Variants in ENTPD3 observed in about 807,000 individuals in gnomAD.
ENTPD3 encodes the protein ectonucleoside triphosphate diphosphohydrolase 3.
Under a neutral mutation model 51.2 loss-of-function variants are expected in ENTPD3, and 60 were observed. The observed-to-expected ratio is 1.17, with a 90% CI of 0.95 to 1.45. The LOEUF is 1.45. Among genes scored for constraint, ENTPD3 ranks in the 40% most tolerant of loss-of-function variants. The probability of loss-of-function intolerance (pLI) is 0.00; values close to 1 mark genes in which losing one functional copy is unlikely to be tolerated. For missense variants in ENTPD3, 593 were observed against 641.1 expected (o/e 0.93, Z 0.81); for synonymous variants, 221 against 238.4 (o/e 0.93, Z 0.67).
Position 40,422,877 on chromosome 3 carries a change from A to G in ENTPD3, c.859A>G (p.Asn287Asp), listed in dbSNP as rs146664536. 6.0e-5 allele frequency: 97 copies of G among 1,613,420 alleles called. No individual in the cohort carries two copies. In the East Asian group the frequency reaches 2.2e-3, roughly 36 times the overall value. ...TTCTCCTACCAAAAACCATCTCACC[A>G]ATCCCTGTTACCCTCGGGATTATAG... is the stretch of plus-strand genomic sequence containing the variant. ...QNSPTKNHLT[N>D]PCYPRDYSIS... Residue 287 changes from asparagine to aspartate, a missense_variant, in exon 8 of 11, where the codon AAT becomes GAT. Transcript: ENST00000301825.
At chr3:40,425,078 T>C in intron 10 of ENTPD3, 1 of 241,722 alleles carries the variant, frequency 4.1e-6, no homozygotes, top group Non-Finnish European at 8.3e-6. Context: ...AAGTTCCCTT[T>C]TTTTAATTAT....
At chr3:40,418,656 GA>G (rs1263064555) in intron 7 of ENTPD3, among the ~76,000 whole-genome samples, 1 of 152,040 alleles carries the variant, frequency 6.6e-6, no homozygotes, top group Non-Finnish European at 1.5e-5. Context: ...ACATTTAGGA[GA>G]TGCACACCAA....
chr3:40,411,688 A>G (rs1955634189), intron 4 of ENTPD3, 124 bp from the exon 5 acceptor site: 1 of 852,102 alleles, frequency 1.2e-6, no homozygotes, highest in Non-Finnish European at 1.8e-6. Context: ...TACCACATCC[A>G]GCTGTTTTCG....
In ENTPD3 at chr3:40,427,369, C is replaced by A; in HGVS notation, c.1451C>A (p.Pro484Gln). 6.2e-7 allele frequency: 1 copy of A among 1,614,120 alleles called. No homozygotes were observed. The highest frequency in any genetic ancestry group is 8.5e-7 in the Non-Finnish European group (1 of 1,180,028). The change falls in exon 11 of 11, where the codon CCA (proline) becomes CAA (glutamine). Residue 484 changes from proline to glutamine, a missense_variant. Coordinates refer to ENST00000301825, the MANE Select transcript of ENTPD3 (RefSeq NM_001248.4). The part of the protein sequence containing the change: ...ESPLIRLPIE[P>Q]PVFVGTLAFF... The stretch of plus-strand genomic sequence containing the variant: ...CCTCTGATCCGTCTGCCCATAGAAC[C>A]ACCTGTCTTTGTGGGCACCCTCGCT...
At chr3:40,388,710 A>C (rs1222467511) in intron 2 of ENTPD3, among the ~76,000 whole-genome samples, 7 of 152,158 alleles carry the variant, frequency 4.6e-5, no homozygotes. Context: ...CTCCAAGCTC[A>C]GGTAGGTACC....
rs775322652 is a variant in ENTPD3 at position 40,402,111 on chromosome 3, C to CTTTTTTTTTTTTTTTT, written c.286+1111_286+1112insTTTTTTTTTTTTTTTT. ...GTAACTATCTTGTTCATTTCCTTTC[C>CTTTTTTTTTTTTTTTT]TTTTTTTTTTTCTTTTTTTTTTTTT... On this transcript the variant is annotated intron_variant, in intron 4 of 10. Coordinates refer to ENST00000301825, the MANE Select transcript of ENTPD3 (RefSeq NM_001248.4). Among the ~76,000 whole-genome samples, 37 of 97,218 alleles carry CTTTTTTTTTTTTTTTT rather than the reference C, an allele frequency of 3.8e-4. 1 individual carries two copies. The highest frequency in any genetic ancestry group is 4.7e-4 in the Non-Finnish European group (22 of 46,616). The allele number at this position is 97,218 out of a possible 152,430, so 63.8% of individuals were successfully genotyped here. A position where few individuals can be genotyped will look rare whatever the true frequency, so the allele number is the denominator to read the frequency against.
At chr3:40,401,054 GT>G in intron 4 of ENTPD3, 43 bp downstream of exon 4, 1 of 1,468,662 alleles carries the variant, frequency 6.8e-7, no homozygotes, top group Non-Finnish European at 9.5e-7. Context: ...GGGCAGCAAG[GT>G]AGAGTTCTAA....
chr3:40,394,665 G>C (rs1955154156), intron 3 of ENTPD3, among the ~76,000 whole-genome samples: 1 of 152,134 alleles, frequency 6.6e-6, no homozygotes, highest in Non-Finnish European at 1.5e-5. Flanking sequence ...ACTTCTCCCT[G>C]ACCCTGAGTT....
chr3:40,397,167 T>C (rs988864257), intron 3 of ENTPD3, among the ~76,000 whole-genome samples: 2 of 137,350 alleles, frequency 1.5e-5, no homozygotes, highest in Non-Finnish European at 3.1e-5. Context: ...CTTATGCAAA[T>C]GGGTCCTCTC....
Position 40,415,956 on chromosome 3 carries a change from C to T in ENTPD3, c.714C>T (p.Asn238=). 2 of 1,614,102 alleles carry T rather than the reference C, an allele frequency of 1.2e-6. No individual in the cohort carries two copies. Among genetic ancestry groups the T allele is most frequent in the Non-Finnish European group, 1.7e-6 (2 of 1,179,980 alleles). The change falls in exon 7 of 11, where the codon AAC becomes AAT. Residue 238 remains asparagine, a synonymous_variant. Coordinates refer to ENST00000301825, the MANE Select transcript of ENTPD3 (RefSeq NM_001248.4). ...TGGCAGGAGAGAAGATGGATCTGAA[C>T]ACCAGCGACATCATGCAGGTGTCCC... is the stretch of plus-strand genomic sequence containing the variant. ...SFVAGEKMDL[N]TSDIMQVSLY... is the part of the protein sequence containing the mutation.
At position 40,428,357 on chromosome 3, in the gene ENTPD3, A is replaced by C. The variant is rs536523467; in HGVS notation, c.*849A>C. On this transcript the variant is annotated 3_prime_UTR_variant, in exon 11 of 11. Transcript: ENST00000301825. ...TATATATTTTTGTCACCATTCCCACAAGTATACTTGATGTTGTCATAGAAC... is the reference window on the plus strand; with the variant it reads ...TATATATTTTTGTCACCATTCCCACCAGTATACTTGATGTTGTCATAGAAC... The C allele has an allele frequency of 2.0e-5, 3 of 152,314 alleles. No individual in the cohort carries two copies. The highest frequency in any genetic ancestry group is 7.2e-5 in the African/African-American group (3 of 41,564). 9.4% of individuals were successfully genotyped at this position (152,314 alleles called of 1,614,324 possible).
intron 3 of ENTPD3, among the ~76,000 whole-genome samples, chr3:40,397,119 C>CTTTT (rs3064608): frequency 0.041 from 4,169 of 101,138 alleles, 429 homozygotes; most frequent in Non-Finnish European, 0.058. Flanking sequence ...TAATTAGTTT[C>CTTTT]TTTTTTTTTT....
intron 3 of ENTPD3, chr3:40,394,399 A>G (rs72861689): frequency 0.3 from 78,187 of 258,318 alleles, 12,375 homozygotes; most frequent in East Asian, 0.47. Context: ...TGGGATTATA[A>G]GCATGAGCCA....
At chr3:40,395,273 A>C (rs1343685498) in intron 3 of ENTPD3, among the ~76,000 whole-genome samples, 1 of 152,376 alleles carries the variant, frequency 6.6e-6, no homozygotes, top group South Asian at 2.1e-4. Context: ...GTAACAGGCA[A>C]GTCCTCTGTT....
In ENTPD3 at chr3:40,415,960, A is replaced by G. The variant is rs1241813271; in HGVS notation, c.718A>G (p.Ser240Gly). The change falls in exon 7 of 11, where the codon AGC (serine) becomes GGC (glycine). Residue 240 changes from serine (S) to glycine (G), a missense_variant. Coordinates refer to ENST00000301825, the MANE Select transcript of ENTPD3 (RefSeq NM_001248.4). The stretch of plus-strand genomic sequence containing the variant: ...AGGAGAGAAGATGGATCTGAACACC[A>G]GCGACATCATGCAGGTGTCCCTGTA... ...VAGEKMDLNT[S>G]DIMQVSLYGY... 3 of 1,613,932 alleles carry G rather than the reference A, an allele frequency of 1.9e-6. No homozygotes were observed. The African/African-American group carries it at 4.0e-5, about 22-fold the overall frequency.
chr3:40,423,367 G>C lies in ENTPD3; in HGVS notation c.1181G>C (p.Ser394Thr), dbSNP rs778477572. 2 of 1,613,800 alleles carry C rather than the reference G, an allele frequency of 1.2e-6. No individual in the cohort carries two copies. Among genetic ancestry groups the C allele is most frequent in the Non-Finnish European group, 1.7e-6 (2 of 1,179,792 alleles). Residue 394 changes from serine (S) to threonine (T), a missense_variant, in exon 9 of 11, where the codon AGC becomes ACC. Physicochemically the swap from Ser to Thr is moderately conservative, Grantham distance 58. Transcript: ENST00000301825. ...GSFSLDTFNS[S>T]TWNFCSQNWS... ...TTTTCCCTGGACACCTTCAACTCCA[G>C]CACCTGGAATTTCTGCTCACAGAAT... is the stretch of plus-strand genomic sequence containing the variant.
chr3:40,410,947 C>T (rs1211854200), intron 4 of ENTPD3, among the ~76,000 whole-genome samples: 1 of 151,902 alleles, frequency 6.6e-6, no homozygotes. Flanking sequence ...AGAATGAGAA[C>T]GAATATGGAG....
In ENTPD3 at chr3:40,423,046, A is replaced by T. The variant is rs755451213; in HGVS notation, c.1028A>T (p.Asp343Val). The T allele has an allele frequency of 1.9e-6, 3 of 1,613,958 alleles. No individual in the cohort carries two copies. The African/African-American group carries it at 4.0e-5, about 22-fold the overall frequency. The change falls in exon 8 of 11, where the codon GAC becomes GTC. Residue 343 changes from aspartate to valine, a missense_variant. Transcript: ENST00000301825. Reference protein sequence around the residue: ...LCKEKVASIFDFKACHDQETC... With the variant: ...LCKEKVASIFVFKACHDQETC... ...AAGGAGAAGGTGGCTTCCATATTTG[A>T]CTTCAAAGCTTGCCATGATCAAGAA...
intron 10 of ENTPD3, among the ~76,000 whole-genome samples, chr3:40,426,638 A>G (rs1955990980): frequency 6.6e-6 from 1 of 152,208 alleles, no homozygotes; most frequent in East Asian, 1.9e-4. Flanking sequence ...ATGGAAAGAT[A>G]GAAAGATAAT....
Sources: allele counts gnomAD v4.1 joint callset (sites outside exome capture counted in the v4.1 genomes callset), GRCh38; gene constraint gnomAD v4.1.1; transcripts MANE v1.5; gene names NCBI Gene and HGNC (gene_info 2026-07-23, HGNC 2026-07-21).